Variants in PCLO observed in about 807,000 individuals in gnomAD.
The protein encoded by PCLO is piccolo presynaptic cytomatrix protein.
In PCLO, 82 loss-of-function variants were observed where a neutral mutation model predicts 427.5. The ratio of observed to expected loss-of-function variants is 0.19; its 90% CI spans 0.16 to 0.23. The LOEUF is 0.23. Among genes scored for constraint, PCLO ranks in the 10% least tolerant of loss-of-function variants. The probability of loss-of-function intolerance (pLI) is 1.00; values close to 1 mark genes in which losing one functional copy is unlikely to be tolerated. For missense variants in PCLO, 6,239 were observed against 6,115.9 expected, an observed-to-expected ratio of 1.02 and a Z score of -0.67; for synonymous variants, 2,357 against 2,155.4, an observed-to-expected ratio of 1.09 and a Z score of -2.59.
At position 83,083,317 on chromosome 7, in the gene PCLO, G is replaced by A. The variant is rs559222916; in HGVS notation, c.3300+50933C>T. On this transcript the variant is annotated intron_variant, in intron 3 of 24. Transcript: ENST00000333891. ...GTTAATATGGATAATTGCATGTTTG[G>A]AAAGCAATGTACAAAATCAAATATG... Among the ~76,000 whole-genome samples the A allele has an allele frequency of 2.6e-5, 4 of 151,900 alleles. No homozygotes were observed. In the South Asian group the frequency reaches 8.3e-4, roughly 32 times the overall value.
chr7:82,884,207 C>A (rs2116074242), intron 9 of PCLO, among the ~76,000 whole-genome samples: 1 of 152,150 alleles, frequency 6.6e-6, no homozygotes. Flanking sequence ...ATGTTATGTA[C>A]AGTTCAAAGA....
intron 10 of PCLO, among the ~76,000 whole-genome samples, chr7:82,873,938 T>C (rs1005017370): frequency 6.6e-6 from 1 of 152,150 alleles, no homozygotes; most frequent in Non-Finnish European, 1.5e-5. Context: ...TGTAAATATA[T>C]GAGCAGTTAA....
rs773951050 is a variant in PCLO at position 82,955,701 on chromosome 7, TCTC to T, written c.5249_5251del (p.Gly1750del). 4 of 1,613,940 alleles carry T rather than the reference TCTC, an allele frequency of 2.5e-6. No individual in the cohort carries two copies. The South Asian group carries it at 4.4e-5, about 18-fold the overall frequency. On this transcript the variant is annotated inframe_deletion, in exon 5 of 25. Transcript: ENST00000333891. ...CCGAGCTTTGCGTTGCTGTTTGCTC[TCTC>T]CTTTTTTGTGACTCGGGCTACTGTC...
chr7:82,795,104 CCTT>C (rs1414005030), intron 22 of PCLO, among the ~76,000 whole-genome samples: 1 of 151,980 alleles, frequency 6.6e-6, no homozygotes, highest in African/African-American at 2.4e-5. Flanking sequence ...AATTTAATCT[CCTT>C]AATTAACCTG....
rs746414969 is a variant in PCLO at position 82,916,397 on chromosome 7, T to C, written c.11589A>G (p.Glu3863=). The C allele has an allele frequency of 6.2e-7, 1 of 1,613,680 alleles. No homozygotes were observed. The highest frequency in any genetic ancestry group is 1.1e-5 in the South Asian group (1 of 91,080). ...TTTGTGGTGGTATAAACTGGCTGAA[T>C]TCAGTTTGGGGAGCAGTTCTTGGTC... ...IERPRTAPQT[E]FSQFIPPQTQ... is the part of the protein sequence containing the mutation. The change falls in exon 7 of 25, where the codon GAA becomes GAG. Residue 3863 remains glutamate, a synonymous_variant. Transcript: ENST00000333891.
At chr7:83,108,940 T>C (rs929355) in intron 3 of PCLO, among the ~76,000 whole-genome samples, 78,429 of 151,844 alleles carry the variant, frequency 0.52, 20,815 homozygotes, top group African/African-American at 0.64. Flanking sequence ...GCAAAAGTAA[T>C]TGTGGTTTTT....
intron 10 of PCLO, among the ~76,000 whole-genome samples, chr7:82,850,696 C>T (rs1197904729): frequency 3.3e-5 from 5 of 152,104 alleles, no homozygotes; most frequent in South Asian, 4.1e-4. Flanking sequence ...AAGCTCCTGA[C>T]GTCTGTTCAT....
intron 22 of PCLO, among the ~76,000 whole-genome samples, chr7:82,800,669 T>A (rs1562791952): frequency 6.6e-6 from 1 of 151,924 alleles, no homozygotes; most frequent in African/African-American, 2.4e-5. Context: ...GATCTGGGCT[T>A]ACTGCAAACT....
rs1299069776 is a variant in PCLO, at chr7:82,916,026, A to G, written c.11960T>C (p.Met3987Thr). ...GTTATCCGTAGAAACAGGTGCTATC[A>G]TAAGGGGTTGGTTGCGAATCACTTC... The part of the protein sequence containing the change: ...NYEVIRNQPL[M>T]IAPVSTDNTF... Residue 3987 changes from methionine to threonine, a missense_variant, in exon 7 of 25, where the codon ATG (methionine) becomes ACG (threonine). Met to Thr is a moderately conservative substitution (Grantham distance 81). This residue lies in a region of PCLO where 680 missense variants were observed against 677.3 expected (regional missense o/e 1.00). Coordinates refer to ENST00000333891, the MANE Select transcript of PCLO (RefSeq NM_033026.6). 1.9e-6 allele frequency: 3 copies of G among 1,612,894 alleles called. No homozygotes were observed. Among genetic ancestry groups the G allele is most frequent in the Non-Finnish European group, 2.5e-6 (3 of 1,179,782 alleles).
chr7:82,980,429 G>T (rs992569986), intron 3 of PCLO, among the ~76,000 whole-genome samples: 11 of 152,090 alleles, frequency 7.2e-5, no homozygotes, highest in African/African-American at 2.2e-4. Context: ...GAAACGTTCA[G>T]CTGAGTCAAA....
intron 7 of PCLO, 68 bp from the exon 8 acceptor site, chr7:82,909,081 G>A (rs1794261834): frequency 4.0e-6 from 6 of 1,504,164 alleles, no homozygotes; most frequent in African/African-American, 1.4e-5. Flanking sequence ...GGAAGCAGAT[G>A]TTCTGTAGTA....
Position 82,933,772 on chromosome 7 carries a change from A to G in PCLO, c.11112+15704T>C, listed in dbSNP as rs1374400699. Among the ~76,000 whole-genome samples the G allele has an allele frequency of 3.3e-5, 5 of 152,170 alleles. No homozygotes were observed. The East Asian group carries it at 9.7e-4, about 29-fold the overall frequency. On this transcript the variant is annotated intron_variant, in intron 6 of 24. Coordinates refer to ENST00000333891, the MANE Select transcript of PCLO (RefSeq NM_033026.6). ...CCTTTGTCAAAATAAGGCCAAGGCC[A>G]AAAGCTCTCCTTTGATCTTTCTATG...
chr7:82,832,746 C>T (rs1179471588), intron 16 of PCLO, among the ~76,000 whole-genome samples: 4 of 150,658 alleles, frequency 2.7e-5, no homozygotes, highest in Non-Finnish European at 5.9e-5. Flanking sequence ...TTATCTAAAA[C>T]ATTGAAAGTA....
In PCLO at chr7:83,135,290, G is replaced by A. The variant is rs1377370283; in HGVS notation, c.2260C>T (p.Pro754Ser). Residue 754 changes from proline (P) to serine (S), a missense_variant, in exon 3 of 25, where the codon CCA (proline) becomes TCA (serine). Coordinates refer to ENST00000333891, the MANE Select transcript of PCLO (RefSeq NM_033026.6). Reference protein sequence around the residue: ...QDKAPVADDKPKQPKMVKPTT... With the variant: ...QDKAPVADDKSKQPKMVKPTT... The stretch of plus-strand genomic sequence containing the variant: ...GGCTTTACCATCTTGGGCTGCTTTG[G>A]TTTATCATCAGCAACAGGGGCCTTG... 1.2e-6 allele frequency: 2 copies of A among 1,613,874 alleles called. No homozygotes were observed. The highest frequency in any genetic ancestry group is 1.6e-4 in the Middle Eastern group (1 of 6,062).
chr7:82,878,176 T>C (rs1562832582), intron 10 of PCLO, among the ~76,000 whole-genome samples: 1 of 152,194 alleles, frequency 6.6e-6, no homozygotes, highest in Non-Finnish European at 1.5e-5. Flanking sequence ...AAGAGATTTG[T>C]ACAGAATATC....
At chr7:82,965,403 A>T (rs1795745142) in intron 4 of PCLO, among the ~76,000 whole-genome samples, 1 of 151,468 alleles carries the variant, frequency 6.6e-6, no homozygotes, top group Non-Finnish European at 1.5e-5. Flanking sequence ...TGGTTAAGTA[A>T]ACAGAAACTT....
chr7:83,024,829 C>A (rs1306674737), intron 3 of PCLO, among the ~76,000 whole-genome samples: 2 of 145,356 alleles, frequency 1.4e-5, no homozygotes, highest in South Asian at 2.1e-4. Context: ...CTGGGAGGCA[C>A]CCCACAGCAG....
chr7:83,100,572 C>T (rs1790712541), intron 3 of PCLO, among the ~76,000 whole-genome samples: 1 of 152,158 alleles, frequency 6.6e-6, no homozygotes, highest in South Asian at 2.1e-4. Flanking sequence ...CCAAATACCG[C>T]ATGTTCTCAC....
chr7:82,846,324 C>T (rs961052274), intron 12 of PCLO, among the ~76,000 whole-genome samples: 6 of 152,096 alleles, frequency 3.9e-5, no homozygotes, highest in Non-Finnish European at 8.8e-5. Flanking sequence ...AAGGATTTTA[C>T]GTGAACTTGT....
Sources: gnomAD v4.1 joint callset for allele counts (sites outside exome capture counted in the v4.1 genomes callset) on GRCh38, gnomAD v4.1.1 for gene constraint, gnomAD v4.1.1 regional missense constraint, MANE v1.5 for transcripts, NCBI Gene and HGNC (gene_info 2026-07-23, HGNC 2026-07-21) for gene names.